Variants in CLIP3 observed in about 807,000 individuals in gnomAD.
CLIP3 encodes the protein CAP-Gly domain containing linker protein 3.
In CLIP3, 15 loss-of-function variants were observed where a neutral mutation model predicts 59.4. The ratio of observed to expected loss-of-function variants is 0.25; its 90% confidence interval spans 0.17 to 0.39. The LOEUF (loss-of-function observed/expected upper bound fraction) is 0.39. Among genes scored for constraint, CLIP3 ranks in the 10% least tolerant of loss-of-function variants. CLIP3 has a pLI of 1.00. For synonymous variants in CLIP3, 300 were observed against 321.6 expected (o/e 0.93, Z 0.72); for missense variants, 495 against 765.7 (o/e 0.65, Z 4.17).
In CLIP3 at chr19:36,026,914, GC is replaced by G. The variant is rs753491753; in HGVS notation, c.400+37del. 2.6e-6 allele frequency: 4 copies of G among 1,526,168 alleles called. No individual in the cohort carries two copies. The highest frequency in any genetic ancestry group is 3.5e-6 in the Non-Finnish European group (4 of 1,140,790). The allele number at this position is 1,526,168 out of a possible 1,614,324, so 94.5% of individuals were successfully genotyped here. A position where few individuals can be genotyped will look rare whatever the true frequency, so the allele number is the denominator to read the frequency against. ...CAGCGTGTTGGGTCTGGGGGCCTAG[GC>G]TTTGGGGCTTATGACTTGGGGGTAG... On this transcript the variant is annotated intron_variant, in intron 4 of 13. Transcript: ENST00000360535. This position sits in a 1 kb window ranked among gnomAD's most constrained non-coding sequence, Gnocchi z 6.3.
rs1384616882 is a variant in CLIP3, at chr19:36,015,980, T to A, written c.*178A>T. On this transcript the variant is annotated 3_prime_UTR_variant, in exon 14 of 14. Coordinates refer to ENST00000360535, the MANE Select transcript of CLIP3 (RefSeq NM_015526.3). Reference sequence around the variant, plus strand: ...TTCTGGGTGACATGGGGTCTGTATTTGGGGGTTATTATGGGAGTATCTGTT... The same window carrying A: ...TTCTGGGTGACATGGGGTCTGTATTAGGGGGTTATTATGGGAGTATCTGTT... 4.5e-6 allele frequency: 3 copies of A among 668,964 alleles called. No individual in the cohort carries two copies. The highest frequency in any genetic ancestry group is 8.1e-6 in the Non-Finnish European group (3 of 371,468). The allele number at this position is 668,964 out of a possible 1,614,324, so 41.4% of individuals were successfully genotyped here.
At chr19:36,029,123 CA>C (rs1382127089) in intron 2 of CLIP3, among the ~76,000 whole-genome samples, 1 of 149,160 alleles carries the variant, frequency 6.7e-6, no homozygotes, top group Non-Finnish European at 1.5e-5. Context: ...AGTTCGAGAC[CA>C]GCCTGACCAA....
At chr19:36,023,783 C>T (rs766323825) in intron 7 of CLIP3, among the ~76,000 whole-genome samples, 49 of 152,190 alleles carry the variant, frequency 3.2e-4, no homozygotes, top group African/African-American at 9.6e-5. Context: ...GACAGCAGGG[C>T]GGGGGCAGAC....
chr19:36,028,025 G>A (rs1969159046), intron 2 of CLIP3, among the ~76,000 whole-genome samples: 1 of 151,890 alleles, frequency 6.6e-6, no homozygotes, highest in Non-Finnish European at 1.5e-5. Flanking sequence ...GCAAGACCCT[G>A]ACTCTGGAAA....
intron 7 of CLIP3, among the ~76,000 whole-genome samples, chr19:36,021,527 G>A (rs936114549): frequency 2.0e-5 from 3 of 152,112 alleles, no homozygotes; most frequent in Admixed American, 1.3e-4. Flanking sequence ...GGGCTCAAGC[G>A]ATCCTCTCAC....
Position 36,024,469 on chromosome 19 carries a change from T to C in CLIP3, c.845A>G (p.Asn282Ser). Reference sequence around the variant, plus strand: ...GCTAAGCATGAGATTGCCTGGGACGTTGTCATAGTTGGGTAGCGTGACCTT... The same window carrying C: ...GCTAAGCATGAGATTGCCTGGGACGCTGTCATAGTTGGGTAGCGTGACCTT... ...LPKVTLPNYD[N>S]VPGNLMLSAL... Residue 282 changes from asparagine (N) to serine (S), a missense_variant, in exon 7 of 14, where the codon AAC becomes AGC. Around this residue, in one of 5 missense-constraint regions of CLIP3, gnomAD observed 194 missense variants for 327.8 expected, o/e 0.59. Transcript: ENST00000360535. 6.2e-7 allele frequency: 1 copy of C among 1,614,166 alleles called. No homozygotes were observed.
Position 36,026,493 on chromosome 19 carries a change from C to G in CLIP3, c.562+93G>C, listed in dbSNP as rs1045098459. 6.5e-7 allele frequency: 1 copy of G among 1,533,320 alleles called. No individual in the cohort carries two copies. The highest frequency in any genetic ancestry group is 8.9e-7 in the Non-Finnish European group (1 of 1,125,850). The allele number at this position is 1,533,320 out of a possible 1,614,324, so 95.0% of individuals were successfully genotyped here. ...ACCTCCCGCTATCTCCTCAGATCAC[C>G]GTCCTCCTTCCCCTCGCAGCCTGGC... is the stretch of plus-strand genomic sequence containing the variant. On this transcript the variant is annotated intron_variant, in intron 5 of 13. Transcript: ENST00000360535. The surrounding 1 kb of genome is among the most constrained non-coding windows in gnomAD (Gnocchi z 6.3).
Position 36,017,678 on chromosome 19 carries a change from G to T in CLIP3, c.1428C>A (p.Phe476Leu). The change falls in exon 11 of 14, where the codon TTC (phenylalanine) becomes TTA (leucine). Residue 476 changes from phenylalanine (F) to leucine (L), a missense_variant. Physicochemically the swap from Phe to Leu is conservative, Grantham distance 22 (BLOSUM62 0). Around this residue, in one of 5 missense-constraint regions of CLIP3, gnomAD observed 179 missense variants for 226.2 expected, o/e 0.79. Transcript: ENST00000360535. ...ACCTCTGAATACGGGATGCTGGTGCGAAGACCCCATGCCTCGGGGGGCAAG... is the reference window on the plus strand; with the variant it reads ...ACCTCTGAATACGGGATGCTGGTGCTAAGACCCCATGCCTCGGGGGGCAAG... Reference protein sequence around the residue: ...YFTCPPRHGVFAPASRIQRIG... With the variant: ...YFTCPPRHGVLAPASRIQRIG... 1 of 1,614,010 alleles carries T rather than the reference G, an allele frequency of 6.2e-7. No homozygotes were observed.
At chr19:36,018,693 G>A (rs552149139) in intron 9 of CLIP3, among the ~76,000 whole-genome samples, 4 of 152,188 alleles carry the variant, frequency 2.6e-5, no homozygotes, top group Non-Finnish European at 4.4e-5. Context: ...AAGTCACAGA[G>A]GGCAGGGAAC....
chr19:36,019,150 T>A (rs1968884641), intron 8 of CLIP3, 21 bp downstream of exon 8: 1 of 1,613,744 alleles, frequency 6.2e-7, no homozygotes, highest in Non-Finnish European at 8.5e-7. Flanking sequence ...ACACCCCTCT[T>A]GGGCCCGAGG....
rs1208929028 is a variant in CLIP3, at chr19:36,016,240, C to A, written c.1590-28G>T. 1 of 1,613,878 alleles carries A rather than the reference C, an allele frequency of 6.2e-7. No individual in the cohort carries two copies. The highest frequency in any genetic ancestry group is 1.7e-5 in the Admixed American group (1 of 59,980). ...GGAAAGGAGGATGACAGGGTCACGC[C>A]CTTAGGCAGGCAGCGGGGACATCTG... On this transcript the variant is annotated intron_variant, in intron 13 of 13. Coordinates refer to ENST00000360535, the MANE Select transcript of CLIP3 (RefSeq NM_015526.3). This position sits in a 1 kb window ranked among gnomAD's most constrained non-coding sequence, Gnocchi z 4.1.
At chr19:36,019,743 C>T (rs2145393327) in intron 7 of CLIP3, among the ~76,000 whole-genome samples, 2 of 152,030 alleles carry the variant, frequency 1.3e-5, no homozygotes, top group East Asian at 3.9e-4. Flanking sequence ...GCTGGGACTA[C>T]AGGTGCATGC....
At chr19:36,028,693 G>A (rs1289841610) in intron 2 of CLIP3, among the ~76,000 whole-genome samples, 1 of 152,142 alleles carries the variant, frequency 6.6e-6, no homozygotes, top group Non-Finnish European at 1.5e-5. Context: ...CCCATCCAGA[G>A]TACAGACCAA....
chr19:36,024,691 A>G, intron 6 of CLIP3, 59 bp from the exon 7 acceptor site: 1 of 1,522,144 alleles, frequency 6.6e-7, no homozygotes, highest in Non-Finnish European at 9.0e-7. Context: ...ACCCCCATGG[A>G]GGCCCTGCCC....
Position 36,019,018 on chromosome 19 carries a change from C to A in CLIP3, c.1063G>T (p.Ala355Ser). Residue 355 changes from alanine (A) to serine (S), a missense_variant, in exon 9 of 14, where the codon GCC becomes TCC. Ala to Ser is a moderately conservative substitution (Grantham distance 99). Transcript: ENST00000360535. ...FICPPKQGLF[A>S]SVSKISKAVD... ...GCCTTGGAGATCTTGGACACGGAGG[C>A]AAAGAGACCTAGGGGTACAGAATCC... is the stretch of plus-strand genomic sequence containing the variant. 1 of 1,588,662 alleles carries A rather than the reference C, an allele frequency of 6.3e-7. No individual in the cohort carries two copies. Among genetic ancestry groups the A allele is most frequent in the Admixed American group, 1.7e-5 (1 of 57,940 alleles).
intron 2 of CLIP3, among the ~76,000 whole-genome samples, chr19:36,031,585 C>T (rs1480605032): frequency 6.6e-6 from 1 of 152,126 alleles, no homozygotes; most frequent in Non-Finnish European, 1.5e-5. Context: ...AGATCCTTTA[C>T]CCAGCGGTTA....
Position 36,026,616 on chromosome 19 carries a change from G to A in CLIP3, c.532C>T (p.Arg178Cys), listed in dbSNP as rs1445158608. The A allele has an allele frequency of 2.5e-6, 4 of 1,613,710 alleles. No homozygotes were observed. Among genetic ancestry groups the A allele is most frequent in the African/African-American group, 2.7e-5 (2 of 75,052 alleles). Residue 178 changes from arginine to cysteine, a missense_variant, in exon 5 of 14, where the codon CGT becomes TGT. Arg to Cys is a radical substitution (Grantham distance 180). This residue lies in a region of CLIP3 where 194 missense variants were observed against 327.8 expected (regional missense o/e 0.59). Transcript: ENST00000360535. The surrounding 1 kb of genome is among the most constrained non-coding windows in gnomAD (Gnocchi z 6.3). ...GGCCTCGCACCCTTCAGCAGCACAC[G>A]CACGAGGTCGGGCACATCAAAATAG... ...AAYFDVPDLV[R>C]VLLKGARPRV...
chr19:36,026,024 G>C lies in CLIP3; in HGVS notation c.681+123C>G. 1.4e-6 allele frequency: 1 copy of C among 695,030 alleles called. No homozygotes were observed. Among genetic ancestry groups the C allele is most frequent in the African/African-American group, 1.8e-5 (1 of 56,232 alleles). The allele number at this position is 695,030 out of a possible 1,614,324, so 43.1% of individuals were successfully genotyped here. Reference sequence around the variant, plus strand: ...GCATATTTCAGCTGTTATTGCATTTGCTGAATGTACAGACGGCATTTGTAG... The same window carrying C: ...GCATATTTCAGCTGTTATTGCATTTCCTGAATGTACAGACGGCATTTGTAG... On this transcript the variant is annotated intron_variant, in intron 6 of 13. Transcript: ENST00000360535. The surrounding 1 kb of genome is among the most constrained non-coding windows in gnomAD (Gnocchi z 6.3).
At position 36,032,207 on chromosome 19, in the gene CLIP3, G is replaced by A; in HGVS notation, c.151C>T (p.Leu51Phe). The A allele has an allele frequency of 7.7e-7, 1 of 1,292,032 alleles. No homozygotes were observed. The highest frequency in any genetic ancestry group is 2.9e-5 in the South Asian group (1 of 34,208). 80.0% of individuals were successfully genotyped at this position (1,292,032 alleles called of 1,614,324 possible). A position where few individuals can be genotyped will look rare whatever the true frequency, so the allele number is the denominator to read the frequency against. ...CAGTGGTTACCGTAGTCCTTAGGGA[G>A]GGGGGCAGGTGCCGAGGGGTGCACA... is the stretch of plus-strand genomic sequence containing the variant. ...PVVHPSAPAP[L>F]PKDYAFTFFD... The change falls in exon 2 of 14, where the codon CTC (leucine) becomes TTC (phenylalanine). Residue 51 changes from leucine to phenylalanine, a missense_variant. Leu to Phe is a conservative substitution (Grantham distance 22). Coordinates refer to ENST00000360535, the MANE Select transcript of CLIP3 (RefSeq NM_015526.3). The surrounding 1 kb of genome is among the most constrained non-coding windows in gnomAD (Gnocchi z 4.3).
Sources: gnomAD v4.1 joint callset for allele counts (sites outside exome capture counted in the v4.1 genomes callset) on GRCh38, gnomAD v4.1.1 for gene constraint, gnomAD v4.1.1 regional missense constraint, Gnocchi (gnomAD v3.1) non-coding constraint, MANE v1.5 for transcripts, NCBI Gene and HGNC (gene_info 2026-07-23, HGNC 2026-07-21) for gene names.